Variants in SDK1 observed in about 807,000 individuals in gnomAD.
SDK1 encodes sidekick cell adhesion molecule 1, also known as protein sidekick-1.
In SDK1, 157 loss-of-function variants were observed where a neutral mutation model predicts 245.5. That is an observed-to-expected ratio of 0.64 (90% CI 0.56 to 0.73). SDK1 has a LOEUF of 0.73. Among genes scored for constraint, SDK1 ranks in the 30% least tolerant of loss-of-function variants. SDK1 has a pLI of 0.00. For synonymous variants in SDK1, 1,647 were observed against 1,278.5 expected (o/e 1.29, Z -6.15); for missense variants, 3,583 against 3,002.3 (o/e 1.19, Z -4.52).
intron 1 of SDK1, among the ~76,000 whole-genome samples, chr7:3,537,447 TC>T (rs2128619591): frequency 6.6e-6 from 1 of 152,266 alleles, no homozygotes; most frequent in South Asian, 2.1e-4. Flanking sequence ...CGACTGGAAA[TC>T]CGCTTGCTGG....
chr7:3,968,322 T>C (rs544638676), intron 10 of SDK1, among the ~76,000 whole-genome samples: 23 of 152,306 alleles, frequency 1.5e-4, no homozygotes, highest in African/African-American at 5.1e-4. Context: ...GCACACAGAG[T>C]CCATCCTGAA....
chr7:3,829,450 A>G (rs964831049), intron 5 of SDK1, among the ~76,000 whole-genome samples: 2 of 152,198 alleles, frequency 1.3e-5, no homozygotes, highest in African/African-American at 2.4e-5. Context: ...TGAGTTAACA[A>G]TCAACTCTGT....
intron 17 of SDK1, among the ~76,000 whole-genome samples, chr7:4,035,906 A>G (rs1398304369): frequency 6.6e-6 from 1 of 152,176 alleles, no homozygotes; most frequent in Non-Finnish European, 1.5e-5. Flanking sequence ...CCATAATAAT[A>G]ATAATAACTG....
At position 3,967,404 on chromosome 7, in the gene SDK1, G is replaced by T; in HGVS notation, c.1516G>T (p.Ala506Ser). Reference sequence around the variant, plus strand: ...CATTCTAAGGTGTGAGGTGTCCGGGGCTCCCAAACCCGCCATCACCTGGAA... The same window carrying T: ...CATTCTAAGGTGTGAGGTGTCCGGGTCTCCCAAACCCGCCATCACCTGGAA... ...TAILRCEVSG[A>S]PKPAITWKRE... The change falls in exon 10 of 45, where the codon GCT becomes TCT. Residue 506 changes from alanine to serine, a missense_variant. Coordinates refer to ENST00000404826, the MANE Select transcript of SDK1 (RefSeq NM_152744.4). 1 of 1,613,954 alleles carries T rather than the reference G, an allele frequency of 6.2e-7. No homozygotes were observed. Among genetic ancestry groups the T allele is most frequent in the Non-Finnish European group, 8.5e-7 (1 of 1,179,884 alleles).
chr7:3,789,309 G>A (rs908521289), intron 4 of SDK1, among the ~76,000 whole-genome samples: 12 of 152,146 alleles, frequency 7.9e-5, no homozygotes, highest in Admixed American at 2.6e-4. Flanking sequence ...CACCACGCCC[G>A]GCTAATTTTT....
intron 8 of SDK1, among the ~76,000 whole-genome samples, chr7:3,959,926 A>G (rs1430765112): frequency 6.6e-6 from 1 of 152,082 alleles, no homozygotes; most frequent in Non-Finnish European, 1.5e-5. Flanking sequence ...AGGTGATTAC[A>G]CAAAACCTTC....
At chr7:3,854,827 A>T (rs1371381059) in intron 5 of SDK1, among the ~76,000 whole-genome samples, 1 of 152,210 alleles carries the variant, frequency 6.6e-6, no homozygotes, top group Admixed American at 6.5e-5. Context: ...AAAGATGGGA[A>T]GGGATGTATT....
chr7:3,783,841 A>G (rs1240957032), intron 4 of SDK1, among the ~76,000 whole-genome samples: 1 of 152,224 alleles, frequency 6.6e-6, no homozygotes, highest in Non-Finnish European at 1.5e-5. Context: ...TCATAGGAAT[A>G]GAAGAAACAA....
At position 3,623,398 on chromosome 7, in the gene SDK1, G is replaced by A. The variant is rs900333874; in HGVS notation, c.458+4159G>A. Among the ~76,000 whole-genome samples the A allele has an allele frequency of 5.3e-5, 8 of 151,818 alleles. No homozygotes were observed. The East Asian group carries it at 7.7e-4, about 15-fold the overall frequency. On this transcript the variant is annotated intron_variant, in intron 2 of 44. Transcript: ENST00000404826. ...TGGGACTACAGGCATGTGTCACCAC[G>A]CCTGGCTAATTTTTTTATTATTAGT...
intron 5 of SDK1, among the ~76,000 whole-genome samples, chr7:3,879,899 T>G (rs1249773699): frequency 2.0e-5 from 3 of 152,156 alleles, no homozygotes. Flanking sequence ...TATCTGTCTG[T>G]GGCAGGCGGC....
chr7:3,529,815 G>C (rs569623002), intron 1 of SDK1, among the ~76,000 whole-genome samples: 1 of 152,142 alleles, frequency 6.6e-6, no homozygotes, highest in Non-Finnish European at 1.5e-5. Context: ...CTCACATCAC[G>C]TGCCTCCCAA....
intron 25 of SDK1, among the ~76,000 whole-genome samples, chr7:4,121,062 T>C (rs963175991): frequency 2.0e-5 from 3 of 152,182 alleles, no homozygotes; most frequent in Admixed American, 6.5e-5. Context: ...TAATATTTTA[T>C]GTGTAAATGT....
intron 1 of SDK1, among the ~76,000 whole-genome samples, chr7:3,602,514 G>C (rs940733625): frequency 1.3e-5 from 2 of 152,040 alleles, no homozygotes; most frequent in African/African-American, 4.8e-5. Flanking sequence ...CCCACTTTTT[G>C]ATGGGGTTGT....
intron 4 of SDK1, among the ~76,000 whole-genome samples, chr7:3,693,267 C>G (rs545223625): frequency 6.6e-6 from 1 of 152,020 alleles, no homozygotes; most frequent in African/African-American, 2.4e-5. Flanking sequence ...TTTTCTTTTA[C>G]TAATTTCCCT....
intron 4 of SDK1, among the ~76,000 whole-genome samples, chr7:3,649,739 C>T (rs990387958): frequency 5.9e-5 from 9 of 152,204 alleles, no homozygotes; most frequent in Admixed American, 4.6e-4. Context: ...AGCAGTTGGC[C>T]GGCGTGGGAG....
At chr7:3,500,446 C>T (rs1377379620) in intron 1 of SDK1, among the ~76,000 whole-genome samples, 4 of 152,108 alleles carry the variant, frequency 2.6e-5, no homozygotes, top group Non-Finnish European at 1.5e-5. Context: ...AAATAATTTT[C>T]CTCACTTATT....
intron 20 of SDK1, among the ~76,000 whole-genome samples, chr7:4,073,286 T>G (rs1465037610): frequency 6.6e-6 from 1 of 152,158 alleles, no homozygotes; most frequent in African/African-American, 2.4e-5. Flanking sequence ...CTTTCCCACC[T>G]CACGCCCACC....
intron 1 of SDK1, among the ~76,000 whole-genome samples, chr7:3,354,342 A>G (rs1780738774): frequency 6.6e-6 from 1 of 152,062 alleles, no homozygotes; most frequent in Non-Finnish European, 1.5e-5. Context: ...AAAAAAAAAC[A>G]GGGATATAAA....
chr7:3,798,738 C>G (rs1779030585), intron 4 of SDK1, among the ~76,000 whole-genome samples: 1 of 152,164 alleles, frequency 6.6e-6, no homozygotes, highest in Non-Finnish European at 1.5e-5. Context: ...AGTCTCTTAG[C>G]CCGGCCCACA....
Sources: allele counts gnomAD v4.1 joint callset (sites outside exome capture counted in the v4.1 genomes callset), GRCh38; gene constraint gnomAD v4.1.1; transcripts MANE v1.5; gene names NCBI Gene and HGNC (gene_info 2026-07-23, HGNC 2026-07-21).